The following TPCN2 variants were observed in gnomAD, a reference collection of about 807,000 sequenced individuals.
TPCN2 encodes the protein two pore segment channel 2, also known as two pore channel protein 2.
In TPCN2, 92 loss-of-function variants were observed where a neutral mutation model predicts 111.4. The observed-to-expected ratio is 0.83, with a 90% CI of 0.70 to 0.98. TPCN2 has a LOEUF of 0.98. Ranked by LOEUF, TPCN2 falls within the 50% of genes least tolerant of loss-of-function variation. TPCN2 has a pLI of 0.00. For synonymous variants in TPCN2, 405 were observed against 414.5 expected, an observed-to-expected ratio of 0.98 and a Z score of 0.28; for missense variants, 995 against 980.1, an observed-to-expected ratio of 1.02 and a Z score of -0.20.
intron 13 of TPCN2, among the ~76,000 whole-genome samples, chr11:69,075,719 TC>T (rs1429887206): frequency 6.6e-6 from 1 of 152,174 alleles, no homozygotes; most frequent in East Asian, 1.9e-4. Context: ...TGCCTGGGCG[TC>T]AGCCTGGCCG....
intron 3 of TPCN2, 76 bp from the exon 4 acceptor site, chr11:69,055,099 G>A (rs1285658494): frequency 6.7e-7 from 1 of 1,499,356 alleles, no homozygotes; most frequent in African/African-American, 1.4e-5. Context: ...GCTTCGGACT[G>A]GGGAAGCTCC....
At chr11:69,063,092 G>T (rs973293001) in intron 6 of TPCN2, 102 bp downstream of exon 6, 4 of 993,152 alleles carry the variant, frequency 4.0e-6, no homozygotes, top group Non-Finnish European at 6.3e-6. Context: ...ATCTTGGACT[G>T]CGTGCTCCGC....
chr11:69,081,321 A>G (rs1281445673), intron 17 of TPCN2, 79 bp from the exon 18 acceptor site: 6 of 973,378 alleles, frequency 6.2e-6, no homozygotes, highest in Non-Finnish European at 9.2e-6. Flanking sequence ...GCCTCCGTCC[A>G]GGAACCCGCG....
Position 69,087,967 on chromosome 11 carries a change from G to A in TPCN2, c.*14G>A, listed in dbSNP as rs369218853. 1,125 of 1,600,502 alleles carry A rather than the reference G, an allele frequency of 7.0e-4. 5 individuals carry two copies. The highest frequency in any genetic ancestry group is 1.1e-3 in the Middle Eastern group (5 of 4,616). Reference sequence around the variant, plus strand: ...CTGTGCAGGTGACGTCCGGGCTGCCGTCCCAGCAGGGGCGGCAGGAGAGAG... The same window carrying A: ...CTGTGCAGGTGACGTCCGGGCTGCCATCCCAGCAGGGGCGGCAGGAGAGAG... On this transcript the variant is annotated 3_prime_UTR_variant, in exon 25 of 25. Transcript: ENST00000294309.
chr11:69,071,374 A>G lies in TPCN2; in HGVS notation c.914A>G (p.Asn305Ser). 1 of 1,613,776 alleles carries G rather than the reference A, an allele frequency of 6.2e-7. No homozygotes were observed. Among genetic ancestry groups the G allele is most frequent in the Non-Finnish European group, 8.5e-7 (1 of 1,179,918 alleles). The part of the protein sequence containing the change: ...FTVIGSLFLM[N>S]LLTAIIYSQF... ...CTTGAAGGAAGCCTGTTTCTGATGA[A>G]CCTGCTGACAGCCATCATCTACAGT... The change falls in exon 10 of 25, where the codon AAC becomes AGC. Residue 305 changes from asparagine to serine, a missense_variant. Transcript: ENST00000294309.
intron 5 of TPCN2, 58 bp downstream of exon 5, chr11:69,057,752 A>G: frequency 6.6e-7 from 1 of 1,521,380 alleles, no homozygotes; most frequent in South Asian, 1.1e-5. Context: ...TGTGGGTGCA[A>G]GGCCCACGGG....
At chr11:69,051,806 A>G (rs1416364365) in intron 1 of TPCN2, among the ~76,000 whole-genome samples, 1 of 152,158 alleles carries the variant, frequency 6.6e-6, no homozygotes, top group Non-Finnish European at 1.5e-5. Flanking sequence ...CAGCAGCCTG[A>G]GTAAAGGGTT....
chr11:69,071,539 C>A, intron 10 of TPCN2, 119 bp downstream of exon 10: 2 of 866,900 alleles, frequency 2.3e-6, no homozygotes, highest in South Asian at 1.4e-5. Context: ...GACGGGAGGG[C>A]AGGGTTGCCA....
In TPCN2 at chr11:69,088,042, C is replaced by A; in HGVS notation, c.*89C>A. 1.7e-6 allele frequency: 2 copies of A among 1,194,122 alleles called. No homozygotes were observed. The highest frequency in any genetic ancestry group is 2.3e-6 in the Non-Finnish European group (2 of 851,784). 74.0% of individuals were successfully genotyped at this position (1,194,122 alleles called of 1,614,324 possible). On this transcript the variant is annotated 3_prime_UTR_variant, in exon 25 of 25. Transcript: ENST00000294309. The stretch of plus-strand genomic sequence containing the variant: ...CATGGAAGAGGCGGCCATGCTGTGG[C>A]CAGCCAGGCAGGAAGAGACCTTTCC...
chr11:69,081,391 T>C lies in TPCN2; in HGVS notation c.1590-9T>C. ...CTCCTCCCAACCCGCCTCCCGTGTC[T>C]CTCCCCAGGAGGCCGGAGATGGTGG... is the stretch of plus-strand genomic sequence containing the variant. On this transcript the variant is annotated splice_polypyrimidine_tract_variant and intron_variant, in intron 17 of 24. Coordinates refer to ENST00000294309, the MANE Select transcript of TPCN2 (RefSeq NM_139075.4). 6.5e-7 allele frequency: 1 copy of C among 1,538,782 alleles called. No individual in the cohort carries two copies.
chr11:69,054,307 C>G, intron 2 of TPCN2: 1 of 594,002 alleles, frequency 1.7e-6, no homozygotes. Flanking sequence ...CTTTGATGCA[C>G]CGTGTTCTGA....
Position 69,071,808 on chromosome 11 carries a change from C to T in TPCN2, c.961-115C>T, listed in dbSNP as rs772495575. ...GCCCCCAGGCTGTGGGGAACTGGGC[C>T]CCCCCCCAAGGCTGCCCAGACTCCC... On this transcript the variant is annotated intron_variant, in intron 10 of 24. Transcript: ENST00000294309. 3.5e-5 allele frequency: 33 copies of T among 940,488 alleles called. No individual in the cohort carries two copies. The East Asian group carries it at 4.4e-4, about 13-fold the overall frequency. The allele number at this position is 940,488 out of a possible 1,614,324, so 58.3% of individuals were successfully genotyped here.
At chr11:69,067,384 C>A in intron 7 of TPCN2, 119 bp from the exon 8 acceptor site, 2 of 889,032 alleles carry the variant, frequency 2.2e-6, no homozygotes, top group Non-Finnish European at 1.8e-6. Context: ...TGGGAGGCCA[C>A]AGGGAGATGC....
Position 69,085,228 on chromosome 11 carries a change from GC to G in TPCN2, c.1782del (p.Ile595SerfsTer55). ...GILVVVYYVFAIIGINLFRGV... is the reference protein window; with the variant it reads ...GILVVVYYVFXIIGINLFRGV... ...CCGCCAGGTGGTCTACTACGTATTT[GC>G]CATCATTGGGATCAACTTGTTTAGA... On this transcript the variant is annotated frameshift_variant, in exon 20 of 25. Transcript: ENST00000294309. LOFTEE classifies it high-confidence loss of function. The G allele has an allele frequency of 6.2e-7, 1 of 1,608,820 alleles. No individual in the cohort carries two copies. Among genetic ancestry groups the G allele is most frequent in the Non-Finnish European group, 8.5e-7 (1 of 1,176,782 alleles).
chr11:69,066,104 C>T (rs1361766121), intron 7 of TPCN2, among the ~76,000 whole-genome samples: 1 of 152,032 alleles, frequency 6.6e-6, no homozygotes, highest in Admixed American at 6.5e-5. Flanking sequence ...TGGTGTGCCT[C>T]AGCTGGCTCG....
intron 7 of TPCN2, among the ~76,000 whole-genome samples, chr11:69,064,218 G>A (rs1257049276): frequency 6.6e-6 from 1 of 151,948 alleles, no homozygotes; most frequent in African/African-American, 2.4e-5. Flanking sequence ...CTGGCTGTCC[G>A]CTCCCACCCT....
intron 4 of TPCN2, among the ~76,000 whole-genome samples, chr11:69,056,753 G>T (rs1233121807): frequency 6.6e-6 from 1 of 151,922 alleles, no homozygotes; most frequent in Non-Finnish European, 1.5e-5. Flanking sequence ...GTATGGTCTC[G>T]ATCTCCTGAC....
intron 4 of TPCN2, among the ~76,000 whole-genome samples, chr11:69,056,700 T>C (rs962294533): frequency 4.0e-5 from 6 of 150,798 alleles, no homozygotes; most frequent in Non-Finnish European, 5.9e-5. Flanking sequence ...GCCTGGCTAA[T>C]TTTTTGTATT....
intron 5 of TPCN2, among the ~76,000 whole-genome samples, chr11:69,059,846 G>GGGCTGGTACCTGGCCCTGCCTCT (rs1854941550): frequency 1.3e-5 from 2 of 152,226 alleles, no homozygotes; most frequent in African/African-American, 4.8e-5. Flanking sequence ...GGGCTGTCTC[G>GGGCTGGTACCTGGCCCTGCCTCT]GGCTGGTACC....
Sources: gnomAD v4.1 joint callset for allele counts (sites outside exome capture counted in the v4.1 genomes callset) on GRCh38, gnomAD v4.1.1 for gene constraint, MANE v1.5 for transcripts, NCBI Gene and HGNC (gene_info 2026-07-23, HGNC 2026-07-21) for gene names.